Variants in BRINP3 observed in about 807,000 individuals in gnomAD.
The protein encoded by BRINP3 is BMP/retinoic acid-inducible neural-specific protein 3.
Under a neutral mutation model 71.0 loss-of-function variants are expected in BRINP3, and 19 were observed. The ratio of observed to expected loss-of-function variants is 0.27; its 90% CI spans 0.19 to 0.39. The LOEUF is 0.39. BRINP3 is among the 10% of genes least tolerant of loss of function. The pLI, the probability that BRINP3 is intolerant of heterozygous loss-of-function variation, is 1.00. For synonymous variants in BRINP3, 380 were observed against 337.7 expected (o/e 1.13, Z -1.37); for missense variants, 959 against 940.8 (o/e 1.02, Z -0.25).
intron 6 of BRINP3, among the ~76,000 whole-genome samples, chr1:190,182,641 AT>A (rs1653130185): frequency 6.6e-6 from 1 of 152,130 alleles, no homozygotes; most frequent in Non-Finnish European, 1.5e-5. Flanking sequence ...TCTGGCTTGC[AT>A]GATAGTAGTG....
At chr1:190,160,005 C>A (rs1657209423) in intron 7 of BRINP3, among the ~76,000 whole-genome samples, 1 of 151,886 alleles carries the variant, frequency 6.6e-6, no homozygotes, top group African/African-American at 2.4e-5. Flanking sequence ...ATATATATTT[C>A]TTGTGATAGT....
chr1:190,399,488 T>C (rs1368179275), intron 2 of BRINP3, among the ~76,000 whole-genome samples: 2 of 151,980 alleles, frequency 1.3e-5, no homozygotes, highest in Admixed American at 6.6e-5. Flanking sequence ...ATAATGTACA[T>C]AAATAGCTCT....
intron 2 of BRINP3, among the ~76,000 whole-genome samples, chr1:190,340,123 T>A (rs957869400): frequency 1.3e-5 from 2 of 151,838 alleles, no homozygotes; most frequent in African/African-American, 4.8e-5. Flanking sequence ...TGTGGGGAAA[T>A]CAAAGATAAA....
At chr1:190,386,293 C>T (rs1670900855) in intron 2 of BRINP3, among the ~76,000 whole-genome samples, 1 of 150,774 alleles carries the variant, frequency 6.6e-6, no homozygotes, top group Non-Finnish European at 1.5e-5. Context: ...AAAATAATGA[C>T]TCATCCTTTA....
chr1:190,259,973 A>T (rs1430856683), intron 4 of BRINP3, among the ~76,000 whole-genome samples: 1 of 150,890 alleles, frequency 6.6e-6, no homozygotes, highest in African/African-American at 2.4e-5. Flanking sequence ...GGTTGCAGTT[A>T]GCCAACATTG....
chr1:190,246,937 T>A (rs1385398489), intron 4 of BRINP3, among the ~76,000 whole-genome samples: 7 of 151,968 alleles, frequency 4.6e-5, no homozygotes, highest in Admixed American at 4.6e-4. Context: ...ATCTCACACA[T>A]CTAAAAGAAT....
chr1:190,334,970 T>C (rs1358598218), intron 2 of BRINP3, among the ~76,000 whole-genome samples: 1 of 151,856 alleles, frequency 6.6e-6, no homozygotes, highest in Non-Finnish European at 1.5e-5. Flanking sequence ...TTGGGTGTGG[T>C]AAATGAGCTT....
chr1:190,116,520 C>G (rs1054119090), intron 7 of BRINP3, among the ~76,000 whole-genome samples: 4 of 152,010 alleles, frequency 2.6e-5, no homozygotes, highest in African/African-American at 7.2e-5. Flanking sequence ...AAATTAAATT[C>G]AAAGTAGCAT....
chr1:190,441,704 GTTT>G (rs1249437817), intron 2 of BRINP3, among the ~76,000 whole-genome samples: 2 of 152,158 alleles, frequency 1.3e-5, no homozygotes, highest in Admixed American at 6.5e-5. Context: ...GGTCAAATAT[GTTT>G]TTATTATTAT....
intron 2 of BRINP3, among the ~76,000 whole-genome samples, chr1:190,446,287 TG>T (rs1675215751): frequency 6.6e-6 from 1 of 152,072 alleles, no homozygotes; most frequent in African/African-American, 2.4e-5. Context: ...TAATGTGTTT[TG>T]ATGATTATTT....
chr1:190,392,036 C>T (rs74130734), intron 2 of BRINP3, among the ~76,000 whole-genome samples: 3,396 of 135,132 alleles, frequency 0.025, 121 homozygotes, highest in African/African-American at 0.086. Flanking sequence ...ATGTTAAAAA[C>T]GGAACAAGGG....
intron 1 of BRINP3, among the ~76,000 whole-genome samples, chr1:190,457,938 A>G (rs1397633844): frequency 6.6e-6 from 1 of 151,562 alleles, no homozygotes; most frequent in African/African-American, 2.4e-5. Context: ...AAAAAACTAT[A>G]TTGTGTATAT....
chr1:190,470,430 T>C (rs777114559), intron 1 of BRINP3, among the ~76,000 whole-genome samples: 1 of 151,088 alleles, frequency 6.6e-6, no homozygotes, highest in Admixed American at 6.6e-5. Flanking sequence ...GGAACTATAA[T>C]ATGGTAGCTA....
intron 2 of BRINP3, among the ~76,000 whole-genome samples, chr1:190,388,940 T>C (rs1671079375): frequency 6.6e-6 from 1 of 151,732 alleles, no homozygotes; most frequent in African/African-American, 2.4e-5. Flanking sequence ...GAGGCACTAG[T>C]CAGGTTCTCA....
At chr1:190,269,926 A>G (rs1355997468) in intron 3 of BRINP3, among the ~76,000 whole-genome samples, 1 of 151,952 alleles carries the variant, frequency 6.6e-6, no homozygotes, top group Non-Finnish European at 1.5e-5. Flanking sequence ...CATGCAAAAC[A>G]TGTCTCACTG....
At chr1:190,202,361 A>G (rs1655080735) in intron 6 of BRINP3, among the ~76,000 whole-genome samples, 1 of 152,118 alleles carries the variant, frequency 6.6e-6, no homozygotes, top group Non-Finnish European at 1.5e-5. Context: ...GGAAATAACT[A>G]ACTTGCTTTT....
At chr1:190,398,497 G>GT (rs1671723354) in intron 2 of BRINP3, among the ~76,000 whole-genome samples, 1 of 151,830 alleles carries the variant, frequency 6.6e-6, no homozygotes, top group South Asian at 2.1e-4. Context: ...GAACAAATGA[G>GT]TATACGCATT....
At chr1:190,157,100 G>A (rs1266803643) in intron 7 of BRINP3, among the ~76,000 whole-genome samples, 1 of 151,498 alleles carries the variant, frequency 6.6e-6, no homozygotes, top group Non-Finnish European at 1.5e-5. Flanking sequence ...CAAGAGGATT[G>A]GTTCCAGGAA....
chr1:190,445,665 T>A (rs1675168726), intron 2 of BRINP3, among the ~76,000 whole-genome samples: 1 of 151,992 alleles, frequency 6.6e-6, no homozygotes, highest in Non-Finnish European at 1.5e-5. Flanking sequence ...ATTTTCAATT[T>A]CACATTTTTG....
Sources: gnomAD v4.1 joint callset for allele counts (sites outside exome capture counted in the v4.1 genomes callset) on GRCh38, gnomAD v4.1.1 for gene constraint, MANE v1.5 for transcripts, NCBI Gene and HGNC (gene_info 2026-07-23, HGNC 2026-07-21) for gene names.